HYDIN: variants seen among roughly 807,000 people sequenced by gnomAD.
HYDIN encodes HYDIN axonemal central pair apparatus protein.
HYDIN carries 132 observed loss-of-function variants against 403.9 expected under a neutral mutation model. The ratio of observed to expected loss-of-function variants is 0.33; its 90% CI spans 0.28 to 0.38. The LOEUF is 0.38. Ranked by LOEUF, HYDIN falls within the 10% of genes least tolerant of loss-of-function variation. The probability of loss-of-function intolerance (pLI) is 1.00; values close to 1 mark genes in which losing one functional copy is unlikely to be tolerated. For missense variants in HYDIN, 2,827 were observed against 5,009.5 expected, an observed-to-expected ratio of 0.56 and a Z score of 13.15; for synonymous variants, 1,202 against 1,891.7, an observed-to-expected ratio of 0.64 and a Z score of 9.46.
At chr16:71,093,661 A>C (rs2083183307) in intron 11 of HYDIN, 156 bp downstream of exon 11, 1 of 465,836 alleles carries the variant, frequency 2.1e-6, no homozygotes, top group Non-Finnish European at 3.6e-6. Flanking sequence ...AGGCAGGAGG[A>C]GGAAGAATCT....
intron 1 of HYDIN, among the ~76,000 whole-genome samples, chr16:71,223,310 A>G (rs549856693): frequency 6.6e-6 from 1 of 152,306 alleles, no homozygotes; most frequent in South Asian, 2.1e-4. Context: ...CTTACCTTAT[A>G]AAAAACATTA....
intron 13 of HYDIN, among the ~76,000 whole-genome samples, chr16:71,076,381 T>C (rs975426067): frequency 5.7e-5 from 7 of 123,362 alleles, no homozygotes; most frequent in Non-Finnish European, 1.1e-4. Context: ...CAAGTCAGTG[T>C]TGGCTCTGCT....
chr16:71,227,163 GTA>G (rs57338937), intron 1 of HYDIN, among the ~76,000 whole-genome samples: 35 of 149,264 alleles, frequency 2.3e-4, no homozygotes, highest in East Asian at 1.6e-3. Context: ...GTGTGTGTGT[GTA>G]TATATATATA....
chr16:71,063,037 A>G (rs949005250), intron 16 of HYDIN: 1 of 152,182 alleles, frequency 6.6e-6, no homozygotes, highest in African/African-American at 2.4e-5. Context: ...TTTTAAAGTG[A>G]GGAATGAATG....
chr16:71,201,586 T>A (rs1386936626), intron 1 of HYDIN, among the ~76,000 whole-genome samples: 2 of 152,074 alleles, frequency 1.3e-5, no homozygotes, highest in African/African-American at 4.8e-5. Context: ...TAATTCTGAT[T>A]TTGGGGTGAA....
intron 23 of HYDIN, among the ~76,000 whole-genome samples, chr16:71,004,921 T>C (rs545654421): frequency 6.6e-6 from 1 of 152,282 alleles, no homozygotes; most frequent in East Asian, 1.9e-4. Context: ...ATTTCTTTTT[T>C]TATAAAAGTC....
At chr16:71,156,783 G>C (rs1193791934) in intron 6 of HYDIN, among the ~76,000 whole-genome samples, 16 of 151,820 alleles carry the variant, frequency 1.1e-4, no homozygotes. Context: ...TGAGTTTTTA[G>C]ATTTTGAAAT....
chr16:70,868,025 G>A (rs946581448), intron 66 of HYDIN, among the ~76,000 whole-genome samples: 1 of 152,132 alleles, frequency 6.6e-6, no homozygotes, highest in African/African-American at 2.4e-5. Context: ...AAAACCAAGG[G>A]AGTAAACAAG....
intron 45 of HYDIN, among the ~76,000 whole-genome samples, chr16:70,926,363 A>C (rs11866384): frequency 0.039 from 5,926 of 152,004 alleles, 412 homozygotes; most frequent in African/African-American, 0.13. Flanking sequence ...TTGCAAGGAC[A>C]AAAAACCAAA....
At chr16:70,853,974 G>T (rs2038846759) in intron 73 of HYDIN, among the ~76,000 whole-genome samples, 1 of 149,628 alleles carries the variant, frequency 6.7e-6, no homozygotes, top group African/African-American at 2.5e-5. Flanking sequence ...CTGCCTCCTG[G>T]GTTCAAGCGA....
At chr16:71,174,475 G>C (rs753478699) in intron 5 of HYDIN, among the ~76,000 whole-genome samples, 8 of 152,144 alleles carry the variant, frequency 5.3e-5, no homozygotes, top group African/African-American at 7.2e-5. Flanking sequence ...CTATTAACAT[G>C]ATACACAGCC....
At chr16:71,219,746 C>G (rs939585763) in intron 1 of HYDIN, among the ~76,000 whole-genome samples, 2 of 152,122 alleles carry the variant, frequency 1.3e-5, no homozygotes, top group Non-Finnish European at 2.9e-5. Context: ...GTCAATTTTC[C>G]TCACCTGAAA....
At chr16:71,151,643 G>A (rs1335600184) in intron 7 of HYDIN, among the ~76,000 whole-genome samples, 4 of 151,496 alleles carry the variant, frequency 2.6e-5, no homozygotes, top group Non-Finnish European at 4.4e-5. Flanking sequence ...GTGCGCCTCT[G>A]TTTTCTCCCT....
At chr16:70,954,452 CAAAAAAAAA>C (rs56235375) in intron 40 of HYDIN, among the ~76,000 whole-genome samples, 2 of 65,832 alleles carry the variant, frequency 3.0e-5, no homozygotes, top group African/African-American at 1.1e-4. Flanking sequence ...TACCTTGTCT[CAAAAAAAAA>C]AAAAAAAAAA....
At chr16:71,062,746 G>A (rs2082134265) in intron 16 of HYDIN, 1 of 153,782 alleles carries the variant, frequency 6.5e-6, no homozygotes, top group South Asian at 2.0e-4. Flanking sequence ...CCATGATGCT[G>A]CTTCTGACCT....
intron 12 of HYDIN, among the ~76,000 whole-genome samples, chr16:71,087,159 C>A (rs2082954276): frequency 6.6e-6 from 1 of 152,246 alleles, no homozygotes; most frequent in Admixed American, 6.5e-5. Context: ...CTGCTTTGGT[C>A]ATGCCACAGA....
At chr16:71,108,740 C>A (rs2083708826) in intron 10 of HYDIN, among the ~76,000 whole-genome samples, 1 of 151,900 alleles carries the variant, frequency 6.6e-6, no homozygotes. Context: ...GATGAAAATA[C>A]ACAACTAGAA....
chr16:70,908,723 T>C lies in HYDIN; in HGVS notation c.8143A>G (p.Thr2715Ala), dbSNP rs770120112. 3.7e-6 allele frequency: 6 copies of C among 1,613,516 alleles called. No individual in the cohort carries two copies. The highest frequency in any genetic ancestry group is 3.4e-6 in the Non-Finnish European group (4 of 1,179,784). ...TCTGTATCTGACAGCTGGGAAATGG[T>C]TCCAGCAGGTTCCCCAGAAAGGACC... ...RKVLSGEPAGTISQLSDTDLD... is the reference protein window; with the variant it reads ...RKVLSGEPAGAISQLSDTDLD... Residue 2715 changes from threonine to alanine, a missense_variant, in exon 48 of 86, where the codon ACC (threonine) becomes GCC (alanine). Transcript: ENST00000393567.
chr16:70,932,247 C>A (rs373061207), intron 45 of HYDIN, among the ~76,000 whole-genome samples: 1 of 150,636 alleles, frequency 6.6e-6, no homozygotes, highest in Admixed American at 6.6e-5. Context: ...CCCAGCTACC[C>A]GGGACGCTGA....
Sources: allele counts gnomAD v4.1 joint callset (sites outside exome capture counted in the v4.1 genomes callset), GRCh38; gene constraint gnomAD v4.1.1; transcripts MANE v1.5; gene names NCBI Gene and HGNC (gene_info 2026-07-23, HGNC 2026-07-21).